Variants in TMEM165 observed in about 807,000 individuals in gnomAD.
TMEM165 encodes transmembrane protein 165.
A neutral mutation model predicts 30.0 loss-of-function variants in TMEM165; 19 were observed. The observed-to-expected ratio is 0.63, with a 90% CI of 0.44 to 0.93. The LOEUF (loss-of-function observed/expected upper bound fraction) is 0.93, where lower values mean the gene tolerates loss of function less well. Among genes scored for constraint, TMEM165 ranks in the 40% least tolerant of loss-of-function variants. TMEM165 has a pLI of 0.00. For synonymous variants in TMEM165, 168 were observed against 162.9 expected, an observed-to-expected ratio of 1.03 and a Z score of -0.24; for missense variants, 340 against 417.0, an observed-to-expected ratio of 0.82 and a Z score of 1.61.
chr4:55,420,761 T>G (rs1721942173), intron 4 of TMEM165, among the ~76,000 whole-genome samples: 2 of 152,242 alleles, frequency 1.3e-5, no homozygotes, highest in Non-Finnish European at 2.9e-5. Flanking sequence ...CCAACATGAT[T>G]TAATGTTCCC....
intron 3 of TMEM165, chr4:55,449,416 T>A: frequency 6.2e-7 from 1 of 1,613,968 alleles, no homozygotes; most frequent in Non-Finnish European, 8.5e-7. Flanking sequence ...AATGATGACC[T>A]TCTTTGCACC....
At chr4:55,397,924 T>TGA (rs888874962) in intron 1 of TMEM165, among the ~76,000 whole-genome samples, 7 of 138,754 alleles carry the variant, frequency 5.0e-5, no homozygotes, top group African/African-American at 1.8e-4. Context: ...TTTTTTTTTT[T>TGA]GAGAGAGGAG....
chr4:55,406,018 A>C (rs796822035), intron 1 of TMEM165, among the ~76,000 whole-genome samples: 11 of 152,362 alleles, frequency 7.2e-5, no homozygotes, highest in African/African-American at 2.4e-4. Flanking sequence ...TGTATTTTCA[A>C]GTTAGCCACT....
Position 55,435,648 on chromosome 4 carries a change from A to G in TMEM165, c.408+11005A>G, listed in dbSNP as rs149764104. The G allele has an allele frequency of 3.4e-5, 53 of 1,571,198 alleles. No homozygotes were observed. In the East Asian group the frequency reaches 5.8e-4, roughly 17 times the overall value. On this transcript the variant is annotated intron_variant, in intron 3 of 3. Coordinates refer to the TMEM165 transcript ENST00000608091. The stretch of plus-strand genomic sequence containing the variant: ...GCTTTACTCCCTTTATGGCACCCAC[A>G]TAATAGTTACTCACACTCTCCCCTG...
At position 55,403,746 on chromosome 4, in the gene TMEM165, C is replaced by T. The variant is rs547170887; in HGVS notation, c.207+7350C>T. Reference sequence around the variant, plus strand: ...TAGTGGAATACCAAAATTGAAATTGCACACTGCATCTAATCCTGTATGCAT... The same window carrying T: ...TAGTGGAATACCAAAATTGAAATTGTACACTGCATCTAATCCTGTATGCAT... On this transcript the variant is annotated intron_variant, in intron 1 of 5. Transcript: ENST00000381334. Among the ~76,000 whole-genome samples the T allele has an allele frequency of 3.3e-5, 5 of 152,180 alleles. No individual in the cohort carries two copies. The South Asian group carries it at 8.3e-4, about 25-fold the overall frequency.
chr4:55,398,604 T>G (rs1226671535), intron 1 of TMEM165, among the ~76,000 whole-genome samples: 2 of 152,178 alleles, frequency 1.3e-5, no homozygotes, highest in Non-Finnish European at 2.9e-5. Context: ...TTGGGAACTT[T>G]ATTGTGTATG....
At chr4:55,427,450 C>G (rs1016738585), downstream of TMEM165, among the ~76,000 whole-genome samples, 1 of 151,962 alleles carries the variant, frequency 6.6e-6, no homozygotes, top group South Asian at 2.1e-4. Context: ...TCAAGCAGTT[C>G]TCCTGCCTCA....
At chr4:55,427,533 CAG>C (rs1254501408), downstream of TMEM165, among the ~76,000 whole-genome samples, 1 of 150,708 alleles carries the variant, frequency 6.6e-6, no homozygotes, top group African/African-American at 2.4e-5. Context: ...TCAGTAGAGA[CAG>C]GGTTTTACCA....
chr4:55,425,052 A>T (rs559453592), intron 5 of TMEM165, among the ~76,000 whole-genome samples: 435 of 152,340 alleles, frequency 2.9e-3, no homozygotes, highest in Non-Finnish European at 5.3e-3. Flanking sequence ...TGCTAGTCAG[A>T]AGACCTGAAC....
intron 3 of TMEM165, among the ~76,000 whole-genome samples, chr4:55,451,634 T>C (rs930224022): frequency 6.6e-6 from 1 of 152,180 alleles, no homozygotes; most frequent in Non-Finnish European, 1.5e-5. Flanking sequence ...ACAGGGCTAA[T>C]TTAGGATTTA....
At chr4:55,433,326 T>C (rs1482753980) in intron 3 of TMEM165, 1 of 152,650 alleles carries the variant, frequency 6.6e-6, no homozygotes, top group Non-Finnish European at 1.5e-5. Flanking sequence ...TAGTCACACT[T>C]CTTTTGTAGA....
At chr4:55,421,984 G>T (rs1188544389) in intron 4 of TMEM165, among the ~76,000 whole-genome samples, 1 of 152,176 alleles carries the variant, frequency 6.6e-6, no homozygotes, top group African/African-American at 2.4e-5. Flanking sequence ...CAGTGTCAGA[G>T]GACTTGGCTG....
intron 3 of TMEM165, among the ~76,000 whole-genome samples, chr4:55,451,142 C>T (rs892591243): frequency 6.6e-6 from 1 of 152,098 alleles, no homozygotes; most frequent in Non-Finnish European, 1.5e-5. Context: ...TTCACTGTCC[C>T]TAATTCCCCC....
intron 3 of TMEM165, chr4:55,448,980 A>T: frequency 1.2e-6 from 1 of 868,404 alleles, no homozygotes; most frequent in Non-Finnish European, 1.9e-6. Context: ...TTTGCCTCAT[A>T]CTTTTGTTAG....
rs771316427 is a variant in TMEM165, at chr4:55,411,773, C to T, written c.367C>T (p.Arg123Cys). The T allele has an allele frequency of 3.1e-6, 5 of 1,614,134 alleles. No homozygotes were observed. Among genetic ancestry groups the T allele is most frequent in the Non-Finnish European group, 3.4e-6 (4 of 1,180,032 alleles). ...TFFIAAIMAM[R>C]YNRLTVLAGA... is the part of the protein sequence containing the mutation. ...TTTTATAGCAGCCATCATGGCAATG[C>T]GCTATAACCGCCTGACCGTGCTGGC... Residue 123 changes from arginine (R) to cysteine (C), a missense_variant, in exon 2 of 6, where the codon CGC becomes TGC. Physicochemically the swap from Arg to Cys is radical, Grantham distance 180 (BLOSUM62 -3). Around this residue, in one of 2 missense-constraint regions of TMEM165, gnomAD observed 220 missense variants for 307.6 expected, o/e 0.72. Transcript: ENST00000381334.
intron 2 of TMEM165, among the ~76,000 whole-genome samples, chr4:55,414,407 CT>C (rs1247346864): frequency 6.6e-6 from 1 of 151,956 alleles, no homozygotes; most frequent in Non-Finnish European, 1.5e-5. Flanking sequence ...TACATCTTCT[CT>C]TTTATAGCTT....
At chr4:55,407,316 C>T (rs1180774576) in intron 1 of TMEM165, among the ~76,000 whole-genome samples, 1 of 152,140 alleles carries the variant, frequency 6.6e-6, no homozygotes, top group Non-Finnish European at 1.5e-5. Context: ...AGCACTGTAA[C>T]CATGAGCCAT....
intron 3 of TMEM165, chr4:55,435,299 T>G (rs985343257): frequency 8.2e-7 from 1 of 1,219,340 alleles, no homozygotes. Flanking sequence ...ACTAGAACAC[T>G]CAATACTGCA....
chr4:55,402,586 T>C (rs1721067366), intron 1 of TMEM165, among the ~76,000 whole-genome samples: 1 of 143,296 alleles, frequency 7.0e-6, no homozygotes, highest in Non-Finnish European at 1.5e-5. Context: ...TGGCTGAGAC[T>C]ACAGGTGCAT....
Sources: gnomAD v4.1 joint callset for allele counts (sites outside exome capture counted in the v4.1 genomes callset) on GRCh38, gnomAD v4.1.1 for gene constraint, gnomAD v4.1.1 regional missense constraint, MANE v1.5 for transcripts, NCBI Gene and HGNC (gene_info 2026-07-23, HGNC 2026-07-21) for gene names.